The following ZBTB7C variants were observed in gnomAD, a reference collection of about 807,000 sequenced individuals.
ZBTB7C encodes zinc finger and BTB domain containing 7C, also known as zinc finger and BTB domain-containing protein 7C.
In ZBTB7C, 8 loss-of-function variants were observed where a neutral mutation model predicts 25.7. That is an observed-to-expected ratio of 0.31 (90% confidence interval 0.18 to 0.56). The LOEUF is 0.56. Among genes scored for constraint, ZBTB7C ranks in the 20% least tolerant of loss-of-function variants. ZBTB7C has a pLI of 0.91. For missense variants in ZBTB7C, 824 were observed against 855.2 expected (o/e 0.96, Z 0.46); for synonymous variants, 394 against 369.0 (o/e 1.07, Z -0.78).
At chr18:48,251,155 T>C (rs904115052) in intron 2 of ZBTB7C, among the ~76,000 whole-genome samples, 21 of 152,052 alleles carry the variant, frequency 1.4e-4, no homozygotes, top group African/African-American at 4.8e-4. Context: ...GCTGAGGAGG[T>C]TGTGGCTGCA....
At chr18:48,401,946 T>C (rs975514981) in intron 1 of ZBTB7C, among the ~76,000 whole-genome samples, 1 of 152,172 alleles carries the variant, frequency 6.6e-6, no homozygotes, top group East Asian at 1.9e-4. Flanking sequence ...CTTCCCAGGA[T>C]GCAATGATGC....
chr18:48,192,774 T>C (rs1051600189), intron 2 of ZBTB7C, among the ~76,000 whole-genome samples: 1 of 152,236 alleles, frequency 6.6e-6, no homozygotes, highest in Non-Finnish European at 1.5e-5. Flanking sequence ...TGATGGACTT[T>C]AGTTCATAAC....
In ZBTB7C at chr18:48,029,506, G is replaced by C; in HGVS notation, c.1614C>G (p.Pro538=). ...GCTCTTGCAGGCTCAGGGCGCCCTT[G>C]GGCGCTGCCAGGAAGTGCTTGGCGG... ...PSPAKHFLAA[P]KGALSLQELE... The change falls in exon 5 of 5, where the codon CCC becomes CCG. Residue 538 remains proline, a synonymous_variant. Transcript: ENST00000590800. The C allele has an allele frequency of 6.3e-7, 1 of 1,589,632 alleles. No individual in the cohort carries two copies. Among genetic ancestry groups the C allele is most frequent in the Non-Finnish European group, 8.5e-7 (1 of 1,174,132 alleles).
chr18:48,303,098 C>A (rs1598823986), intron 2 of ZBTB7C, among the ~76,000 whole-genome samples: 1 of 152,192 alleles, frequency 6.6e-6, no homozygotes, highest in South Asian at 2.1e-4. Flanking sequence ...GCAAGAAGAC[C>A]AATTTGCACC....
At position 48,183,153 on chromosome 18, in the gene ZBTB7C, G is replaced by C. The variant is rs146263524; in HGVS notation, c.-17+2781C>G. Among the ~76,000 whole-genome samples the C allele has an allele frequency of 1.8e-3, 277 of 152,136 alleles. 3 individuals are homozygous for C. The highest frequency in any genetic ancestry group is 0.017 in the Middle Eastern group (5 of 294). On this transcript the variant is annotated intron_variant, in intron 3 of 4. Coordinates refer to ENST00000590800, the MANE Select transcript of ZBTB7C (RefSeq NM_001318841.2). Reference sequence around the variant, plus strand: ...TGAGAGCTGAATCAGGCTATTAATTGCTCCCTCTCCAAAGAAAAGGCCTAT... The same window carrying C: ...TGAGAGCTGAATCAGGCTATTAATTCCTCCCTCTCCAAAGAAAAGGCCTAT...
At chr18:48,056,263 T>C (rs2036911327) in intron 3 of ZBTB7C, among the ~76,000 whole-genome samples, 1 of 152,234 alleles carries the variant, frequency 6.6e-6, no homozygotes, top group Non-Finnish European at 1.5e-5. Flanking sequence ...AACTCGTATT[T>C]GGACAGGGAG....
At chr18:48,182,979 AATT>A (rs1211484495) in intron 3 of ZBTB7C, among the ~76,000 whole-genome samples, 19 of 152,172 alleles carry the variant, frequency 1.2e-4, no homozygotes, top group Non-Finnish European at 1.8e-4. Context: ...TTTAAATAAT[AATT>A]ATTATTTGCA....
At chr18:48,277,831 CAT>C (rs1460572049) in intron 2 of ZBTB7C, among the ~76,000 whole-genome samples, 2 of 150,612 alleles carry the variant, frequency 1.3e-5, no homozygotes, top group African/African-American at 5.0e-5. Context: ...AAAAATACCA[CAT>C]GAGCTTTTTT....
intron 2 of ZBTB7C, among the ~76,000 whole-genome samples, chr18:48,283,330 G>C (rs2044931165): frequency 6.6e-6 from 1 of 151,982 alleles, no homozygotes; most frequent in Admixed American, 6.5e-5. Context: ...TTTAATGAGA[G>C]GATTATATGA....
Position 48,029,649 on chromosome 18 carries a change from G to C in ZBTB7C, c.1471C>G (p.Leu491Val). The C allele has an allele frequency of 6.5e-7, 1 of 1,548,334 alleles. No individual in the cohort carries two copies. Among genetic ancestry groups the C allele is most frequent in the Non-Finnish European group, 8.7e-7 (1 of 1,153,762 alleles). Residue 491 changes from leucine (L) to valine (V), a missense_variant, in exon 5 of 5, where the codon CTG (leucine) becomes GTG (valine). Leu to Val is a conservative substitution (Grantham distance 32). Around this residue, in one of 4 missense-constraint regions of ZBTB7C, gnomAD observed 342 missense variants for 307.0 expected, o/e 1.11. Coordinates refer to ENST00000590800, the MANE Select transcript of ZBTB7C (RefSeq NM_001318841.2). ...GCCGGGCCGCCGGGCCCGAAGAGCA[G>C]GCTGGCGGCCCTCCACGCAGCAGGC... ...RKPAAWRAAS[L>V]LFGPGGPAPD...
intron 2 of ZBTB7C, among the ~76,000 whole-genome samples, chr18:48,250,605 A>C (rs2043820740): frequency 6.6e-6 from 1 of 152,186 alleles, no homozygotes; most frequent in Non-Finnish European, 1.5e-5. Flanking sequence ...GGAATGGGAC[A>C]GAACCTTTTT....
chr18:48,381,693 A>C (rs146629347), intron 1 of ZBTB7C, among the ~76,000 whole-genome samples: 147 of 152,326 alleles, frequency 9.7e-4, no homozygotes, highest in African/African-American at 3.3e-3. Flanking sequence ...AATCACAATA[A>C]CTTACAAGAA....
chr18:48,072,775 G>A (rs372806574), intron 3 of ZBTB7C, among the ~76,000 whole-genome samples: 1 of 152,194 alleles, frequency 6.6e-6, no homozygotes, highest in African/African-American at 2.4e-5. Flanking sequence ...ATTAAGAGCC[G>A]CCTGTGATGA....
intron 3 of ZBTB7C, among the ~76,000 whole-genome samples, chr18:48,129,875 G>C (rs761196524): frequency 6.6e-6 from 1 of 152,186 alleles, no homozygotes; most frequent in Non-Finnish European, 1.5e-5. Context: ...TGGAAGCCAA[G>C]GTCTGGAGTG....
chr18:48,384,370 G>A (rs62086550), intron 1 of ZBTB7C, among the ~76,000 whole-genome samples: 526 of 152,346 alleles, frequency 3.5e-3, no homozygotes, highest in Non-Finnish European at 5.7e-3. Context: ...ACTGGGAACT[G>A]AGGGATTCAG....
intron 1 of ZBTB7C, among the ~76,000 whole-genome samples, chr18:48,340,966 T>C (rs1426585071): frequency 1.3e-5 from 2 of 152,180 alleles, no homozygotes; most frequent in Non-Finnish European, 2.9e-5. Context: ...CCCCCTCCTC[T>C]GAGCCTGCGG....
chr18:48,098,837 C>T (rs36012307), intron 3 of ZBTB7C, among the ~76,000 whole-genome samples: 26,103 of 152,138 alleles, frequency 0.17, 2,590 homozygotes, highest in Admixed American at 0.24. Flanking sequence ...CTTTTTCCTG[C>T]GGCACTGAAA....
intron 4 of ZBTB7C, among the ~76,000 whole-genome samples, chr18:48,035,518 C>T (rs1390154817): frequency 6.6e-6 from 1 of 152,218 alleles, no homozygotes; most frequent in Non-Finnish European, 1.5e-5. Flanking sequence ...CAATCAAGGA[C>T]CCATGTGGTG....
intron 1 of ZBTB7C, among the ~76,000 whole-genome samples, chr18:48,369,687 C>G (rs2047341011): frequency 6.6e-6 from 1 of 152,036 alleles, no homozygotes; most frequent in Non-Finnish European, 1.5e-5. Context: ...GGTCAATCCA[C>G]CAGAATATAT....
Sources: gnomAD v4.1 joint callset for allele counts (sites outside exome capture counted in the v4.1 genomes callset) on GRCh38, gnomAD v4.1.1 for gene constraint, gnomAD v4.1.1 regional missense constraint, MANE v1.5 for transcripts, NCBI Gene and HGNC (gene_info 2026-07-23, HGNC 2026-07-21) for gene names.